TMEM116: variants seen among roughly 807,000 people sequenced by gnomAD.
TMEM116 encodes the protein transmembrane protein 116.
TMEM116 carries 38 observed loss-of-function variants against 44.3 expected under a neutral mutation model. The observed-to-expected ratio is 0.86, with a 90% confidence interval of 0.66 to 1.12. TMEM116 has a LOEUF of 1.12. Ranked by LOEUF, TMEM116 falls within the 50% of genes most tolerant of loss-of-function variation. The pLI is 0.00. For missense variants in TMEM116, 354 were observed against 401.7 expected (o/e 0.88, Z 1.01); for synonymous variants, 132 against 144.8 (o/e 0.91, Z 0.64).
chr12:111,949,012 C>T (rs1448068963), intron 4 of TMEM116, among the ~76,000 whole-genome samples: 1 of 95,006 alleles, frequency 1.1e-5, no homozygotes, highest in Non-Finnish European at 2.1e-5. Context: ...GGTGGGGTGG[C>T]GGGGGTGGCG....
intron 4 of TMEM116, among the ~76,000 whole-genome samples, chr12:111,963,014 C>T (rs2074706134): frequency 6.6e-6 from 1 of 152,168 alleles, no homozygotes; most frequent in South Asian, 2.1e-4. Flanking sequence ...TATGAACAGA[C>T]ACTTCTCAAA....
intron 4 of TMEM116, among the ~76,000 whole-genome samples, chr12:111,955,200 A>G (rs1033430836): frequency 6.6e-5 from 10 of 152,122 alleles, no homozygotes; most frequent in Admixed American, 5.2e-4. Context: ...CTGGCTTGTC[A>G]GGGCTGCAGC....
chr12:112,008,700 G>A (rs1161506745), intron 1 of TMEM116, among the ~76,000 whole-genome samples: 1 of 152,140 alleles, frequency 6.6e-6, no homozygotes, highest in African/African-American at 2.4e-5. Context: ...GGCCAGGCAC[G>A]GTGGAGTACG....
chr12:112,004,100 C>T (rs1428514418), intron 2 of TMEM116, among the ~76,000 whole-genome samples: 1 of 152,132 alleles, frequency 6.6e-6, no homozygotes, highest in Non-Finnish European at 1.5e-5. Flanking sequence ...CCTGTCTCAG[C>T]CTCCTGAGTA....
At chr12:111,978,127 C>T (rs893609182) in intron 4 of TMEM116, among the ~76,000 whole-genome samples, 3 of 148,924 alleles carry the variant, frequency 2.0e-5, no homozygotes, top group Admixed American at 6.7e-5. Flanking sequence ...GCCCAGCTAG[C>T]GCGGTGGCTC....
At chr12:111,989,781 A>G (rs2076438588) in intron 4 of TMEM116, among the ~76,000 whole-genome samples, 1 of 152,232 alleles carries the variant, frequency 6.6e-6, no homozygotes, top group Non-Finnish European at 1.5e-5. Flanking sequence ...TATACTACAT[A>G]GCTCAAAGAG....
chr12:111,976,566 C>T (rs1419651617), intron 4 of TMEM116, among the ~76,000 whole-genome samples: 1 of 152,112 alleles, frequency 6.6e-6, no homozygotes, highest in Non-Finnish European at 1.5e-5. Flanking sequence ...TACCTCACAA[C>T]TTTCAACAAA....
chr12:111,971,064 A>G (rs1180290604), intron 4 of TMEM116, among the ~76,000 whole-genome samples: 1 of 152,212 alleles, frequency 6.6e-6, no homozygotes, highest in Non-Finnish European at 1.5e-5. Context: ...CTCGAATTCT[A>G]TACCTAGCAA....
chr12:111,942,174 G>A (rs1455178635), intron 5 of TMEM116, among the ~76,000 whole-genome samples: 1 of 152,122 alleles, frequency 6.6e-6, no homozygotes, highest in African/African-American at 2.4e-5. Context: ...CTGACCTCAG[G>A]TGATCCACCC....
chr12:111,956,187 TA>T, intron 4 of TMEM116, among the ~76,000 whole-genome samples: 1 of 152,322 alleles, frequency 6.6e-6, no homozygotes, highest in African/African-American at 2.4e-5. Flanking sequence ...GGGTTTCCTA[TA>T]AAACTCTTTT....
At chr12:111,980,404 A>G (rs2075874841) in intron 4 of TMEM116, among the ~76,000 whole-genome samples, 1 of 152,038 alleles carries the variant, frequency 6.6e-6, no homozygotes, top group Non-Finnish European at 1.5e-5. Flanking sequence ...TGAGTTGCCA[A>G]GGAAAGGAAG....
At chr12:111,998,541 G>A (rs1028639743) in intron 3 of TMEM116, among the ~76,000 whole-genome samples, 2 of 152,210 alleles carry the variant, frequency 1.3e-5, no homozygotes, top group Admixed American at 6.5e-5. Flanking sequence ...TATGAGGCTG[G>A]GCGCAGTGGC....
intron 5 of TMEM116, among the ~76,000 whole-genome samples, chr12:111,942,768 ATG>A (rs559680771): frequency 6.7e-6 from 1 of 149,576 alleles, no homozygotes; most frequent in Non-Finnish European, 1.5e-5. Context: ...CTGTATGTGT[ATG>A]TGTGTGTGTG....
intron 4 of TMEM116, among the ~76,000 whole-genome samples, chr12:111,981,803 T>C (rs1390072101): frequency 6.6e-6 from 1 of 152,172 alleles, no homozygotes; most frequent in Admixed American, 6.5e-5. Flanking sequence ...AATAGATGAA[T>C]GGATAAAGAA....
chr12:111,986,540 T>C (rs181672206), intron 4 of TMEM116, among the ~76,000 whole-genome samples: 104 of 152,268 alleles, frequency 6.8e-4, no homozygotes, highest in African/African-American at 2.5e-3. Flanking sequence ...CCAGGCATGG[T>C]GGCTCACGCC....
At chr12:111,991,384 C>T (rs1416353347) in intron 4 of TMEM116, among the ~76,000 whole-genome samples, 7 of 150,864 alleles carry the variant, frequency 4.6e-5, no homozygotes, top group Admixed American at 2.0e-4. Flanking sequence ...ATTAGTCGGG[C>T]GCGGTGGTGG....
chr12:111,977,545 C>T (rs2075736144), intron 4 of TMEM116, among the ~76,000 whole-genome samples: 1 of 151,884 alleles, frequency 6.6e-6, no homozygotes, highest in Admixed American at 6.6e-5. Context: ...GACCTATTTT[C>T]CTAGAAAAGT....
chr12:111,932,870 G>C (rs1000186867), intron 9 of TMEM116: 4 of 569,258 alleles, frequency 7.0e-6, no homozygotes, highest in South Asian at 2.3e-5. Flanking sequence ...GTGTAGTAAT[G>C]GTAGCAGGAT....
chr12:111,938,879 C>A (rs2072414868), intron 5 of TMEM116, among the ~76,000 whole-genome samples: 1 of 145,306 alleles, frequency 6.9e-6, no homozygotes, highest in South Asian at 2.2e-4. Context: ...AAGCTTTTTT[C>A]TAATTTAAGA....
Sources: allele counts gnomAD v4.1 joint callset (sites outside exome capture counted in the v4.1 genomes callset), GRCh38; gene constraint gnomAD v4.1.1; transcripts MANE v1.5; gene names NCBI Gene and HGNC (gene_info 2026-07-23, HGNC 2026-07-21).